PTGFRN: variants seen among roughly 807,000 people sequenced by gnomAD.
PTGFRN encodes prostaglandin F2 receptor inhibitor.
PTGFRN carries 35 observed loss-of-function variants against 83.2 expected under a neutral mutation model. The observed-to-expected ratio is 0.42, with a 90% CI of 0.32 to 0.56. The LOEUF is 0.56. PTGFRN is among the 20% of genes least tolerant of loss of function. PTGFRN has a pLI of 0.11. For synonymous variants in PTGFRN, 519 were observed against 498.6 expected, an observed-to-expected ratio of 1.04 and a Z score of -0.55; for missense variants, 1,051 against 1,179.5, an observed-to-expected ratio of 0.89 and a Z score of 1.60.
At chr1:116,946,195 G>A (rs1195657672) in intron 3 of PTGFRN, among the ~76,000 whole-genome samples, 1 of 152,198 alleles carries the variant, frequency 6.6e-6, no homozygotes, top group Non-Finnish European at 1.5e-5. Flanking sequence ...AGGAAAGCAG[G>A]AAACAACACG....
chr1:116,957,104 A>ACTCT (rs35590261), intron 4 of PTGFRN, among the ~76,000 whole-genome samples: 131 of 139,774 alleles, frequency 9.4e-4, no homozygotes, highest in Non-Finnish European at 1.7e-3. Flanking sequence ...CAAGGTTTTA[A>ACTCT]CTCTCTCTCT....
At chr1:116,955,644 G>A (rs1031477518) in intron 4 of PTGFRN, among the ~76,000 whole-genome samples, 1 of 152,226 alleles carries the variant, frequency 6.6e-6, no homozygotes, top group Non-Finnish European at 1.5e-5. Context: ...CAAGCAGAAT[G>A]TAGCAGTAAT....
intron 1 of PTGFRN, among the ~76,000 whole-genome samples, chr1:116,911,689 C>T (rs1649275849): frequency 6.6e-6 from 1 of 152,218 alleles, no homozygotes; most frequent in Non-Finnish European, 1.5e-5. Context: ...TTCACCCAGT[C>T]TGGAGTGCAA....
chr1:116,944,349 G>A (rs1464143537), intron 2 of PTGFRN, among the ~76,000 whole-genome samples: 1 of 152,212 alleles, frequency 6.6e-6, no homozygotes, highest in Non-Finnish European at 1.5e-5. Context: ...AGGTCCAGTT[G>A]TCATCCTCCT....
Position 116,989,411 on chromosome 1 carries a change from A to G in PTGFRN, c.*2444A>G, listed in dbSNP as rs1651636264. The G allele has an allele frequency of 6.6e-6, 1 of 152,404 alleles. No homozygotes were observed. The allele number at this position is 152,404 out of a possible 1,614,324, so 9.4% of individuals were successfully genotyped here. ...AAATTTCCAGGAATGTGTATTTTTA[A>G]TGTGGTGAGATGCACTCTTTTGTTG... On this transcript the variant is annotated 3_prime_UTR_variant, in exon 9 of 9. Coordinates refer to ENST00000393203, the MANE Select transcript of PTGFRN (RefSeq NM_020440.4).
Position 116,940,873 on chromosome 1 carries a change from G to T in PTGFRN, c.50-842G>T, listed in dbSNP as rs567398550. Among the ~76,000 whole-genome samples the T allele has an allele frequency of 4.6e-5, 7 of 152,322 alleles. No homozygotes were observed. In the East Asian group the frequency reaches 1.4e-3, roughly 29 times the overall value. On this transcript the variant is annotated intron_variant, in intron 1 of 8. Coordinates refer to ENST00000393203, the MANE Select transcript of PTGFRN (RefSeq NM_020440.4). ...GGTAGTAAATACACTGCAAAATCAT[G>T]CTGAAGTTCATTGCAATGAAGACAT...
At chr1:116,934,432 C>T (rs1030496316) in intron 1 of PTGFRN, among the ~76,000 whole-genome samples, 2 of 152,192 alleles carry the variant, frequency 1.3e-5, no homozygotes, top group Non-Finnish European at 2.9e-5. Flanking sequence ...TAGGCGAGAA[C>T]CACTGTGCCT....
intron 8 of PTGFRN, among the ~76,000 whole-genome samples, chr1:116,985,631 C>G (rs1651448708): frequency 6.6e-6 from 1 of 151,812 alleles, no homozygotes. Context: ...TTGCTTGAAC[C>G]CAGGAGGTGG....
chr1:116,949,068 T>G lies in PTGFRN; in HGVS notation c.833-124T>G. 3 of 1,226,940 alleles carry G rather than the reference T, an allele frequency of 2.4e-6. No homozygotes were observed. In the South Asian group the frequency reaches 4.6e-5, roughly 19 times the overall value. 76.0% of individuals were successfully genotyped at this position (1,226,940 alleles called of 1,614,324 possible). ...AATATTTCTCAAGCACTTACAACTG[T>G]ACAAAGCCTTCTAACTTTAATGCTG... On this transcript the variant is annotated intron_variant, in intron 3 of 8. Transcript: ENST00000393203.
intron 5 of PTGFRN, among the ~76,000 whole-genome samples, chr1:116,964,346 C>T (rs1051670780): frequency 2.6e-4 from 39 of 152,094 alleles, no homozygotes; most frequent in African/African-American, 8.0e-4. Flanking sequence ...CAGAATTTAA[C>T]GCAGGTGATT....
chr1:116,967,562 T>G (rs1204527997), intron 6 of PTGFRN, among the ~76,000 whole-genome samples: 1 of 152,186 alleles, frequency 6.6e-6, no homozygotes, highest in Non-Finnish European at 1.5e-5. Flanking sequence ...CCTGGACCCC[T>G]TAGCCAATAC....
chr1:116,953,488 G>GT (rs924927568), intron 4 of PTGFRN, among the ~76,000 whole-genome samples: 1 of 152,024 alleles, frequency 6.6e-6, no homozygotes, highest in Non-Finnish European at 1.5e-5. Flanking sequence ...ACATTTCCAA[G>GT]TAAGTTTTGG....
chr1:116,950,279 G>A (rs1325052075), intron 4 of PTGFRN, among the ~76,000 whole-genome samples: 1 of 152,136 alleles, frequency 6.6e-6, no homozygotes, highest in Non-Finnish European at 1.5e-5. Flanking sequence ...TTTGCCCTCT[G>A]GGCAAAATGT....
chr1:116,911,165 C>G (rs10923165), intron 1 of PTGFRN, among the ~76,000 whole-genome samples: 19,185 of 152,080 alleles, frequency 0.13, 2,191 homozygotes, highest in African/African-American at 0.3. Flanking sequence ...ACCATGGTAC[C>G]CCAGGGCCGA....
intron 7 of PTGFRN, among the ~76,000 whole-genome samples, chr1:116,977,171 A>G (rs1651181788): frequency 1.3e-5 from 2 of 152,218 alleles, no homozygotes; most frequent in South Asian, 4.1e-4. Flanking sequence ...AAGAAGAACT[A>G]ACTATCCTAA....
chr1:116,925,308 C>A (rs1489217359), intron 1 of PTGFRN, among the ~76,000 whole-genome samples: 1 of 151,902 alleles, frequency 6.6e-6, no homozygotes, highest in South Asian at 2.1e-4. Context: ...CATACATTTA[C>A]TCCTAGCTAC....
chr1:116,934,509 G>A (rs1325136692), intron 1 of PTGFRN, among the ~76,000 whole-genome samples: 5 of 151,896 alleles, frequency 3.3e-5, no homozygotes, highest in South Asian at 2.1e-4. Flanking sequence ...TCTTAATTTC[G>A]GATATTGTAT....
chr1:116,970,986 G>A lies in PTGFRN; in HGVS notation c.2060-3230G>A, dbSNP rs538558143. Among the ~76,000 whole-genome samples, 18 of 152,270 alleles carry A rather than the reference G, an allele frequency of 1.2e-4. No homozygotes were observed. In the East Asian group the frequency reaches 2.7e-3, roughly 23 times the overall value. ...TAGTGTAGGCTTTGGCCTTTTAAAA[G>A]AAGAATAATAAATTTTTTTCTTCGT... On this transcript the variant is annotated intron_variant, in intron 6 of 8. Transcript: ENST00000393203.
Position 116,941,225 on chromosome 1 carries a change from C to T in PTGFRN, c.50-490C>T, listed in dbSNP as rs141737566. Among the ~76,000 whole-genome samples, 51 of 152,266 alleles carry T rather than the reference C, an allele frequency of 3.3e-4. No individual in the cohort carries two copies. In the East Asian group the frequency reaches 8.7e-3, roughly 26 times the overall value. ...GATAACAGGAGTTAAATCATTTTAT[C>T]AGCAGGCTGCTCTAGGATTTAAAAA... On this transcript the variant is annotated intron_variant, in intron 1 of 8. Coordinates refer to ENST00000393203, the MANE Select transcript of PTGFRN (RefSeq NM_020440.4). The surrounding 1 kb of genome is among the most constrained non-coding windows in gnomAD (Gnocchi z 5.0).
Sources: allele counts gnomAD v4.1 joint callset (sites outside exome capture counted in the v4.1 genomes callset), GRCh38; gene constraint gnomAD v4.1.1; non-coding constraint Gnocchi (gnomAD v3.1); transcripts MANE v1.5; gene names NCBI Gene and HGNC (gene_info 2026-07-23, HGNC 2026-07-21).